ZNF44: variants seen among roughly 807,000 people sequenced by gnomAD.
ZNF44 encodes zinc finger protein 44.
A neutral mutation model predicts 11.7 loss-of-function variants in ZNF44; 9 were observed. The ratio of observed to expected loss-of-function variants is 0.77; its 90% confidence interval spans 0.46 to 1.35. ZNF44 has a LOEUF of 1.35. Among genes scored for constraint, ZNF44 ranks in the 40% most tolerant of loss-of-function variants. The probability of loss-of-function intolerance (pLI) is 0.00; values close to 1 mark genes in which losing one functional copy is unlikely to be tolerated. For synonymous variants in ZNF44, 224 were observed against 242.7 expected (o/e 0.92, Z 0.72); for missense variants, 696 against 743.1 (o/e 0.94, Z 0.74).
chr19:12,228,795 T>G (rs1916029544), intron 3 of ZNF44, among the ~76,000 whole-genome samples: 1 of 152,204 alleles, frequency 6.6e-6, no homozygotes, highest in Admixed American at 6.5e-5. Context: ...AGTTAGGATA[T>G]TAAATGGCTT....
chr19:12,281,427 G>A (rs1268774903), intron 1 of ZNF44, among the ~76,000 whole-genome samples: 1 of 152,128 alleles, frequency 6.6e-6, no homozygotes, highest in Admixed American at 6.5e-5. Flanking sequence ...ATGGAGTAAA[G>A]GCAGTGCTTT....
At chr19:12,239,568 ATTTTTTTTTT>A (rs1158604076), upstream of ZNF44, among the ~76,000 whole-genome samples, 2 of 76,052 alleles carry the variant, frequency 2.6e-5, no homozygotes, top group East Asian at 3.7e-4. Context: ...CCCAAGTTGC[ATTTTTTTTTT>A]TTTTTTTTTT....
chr19:12,248,240 T>C (rs764969004), exon 8 of ZNF44: 24 of 1,300,976 alleles, frequency 1.8e-5, no homozygotes, highest in South Asian at 1.7e-4. Flanking sequence ...TTTGAGCAGA[T>C]TGGTGGTATC....
intron 1 of ZNF44, 150 bp from the exon 2 acceptor site, chr19:12,276,232 AC>A (rs1272052847): frequency 8.2e-7 from 1 of 1,226,958 alleles, no homozygotes; most frequent in Non-Finnish European, 1.1e-6. Context: ...GTCTGCACTC[AC>A]TGTCTGATGC....
At chr19:12,250,072 T>C (rs1335876562) in intron 6 of ZNF44, 1 of 1,260,656 alleles carries the variant, frequency 7.9e-7, no homozygotes, top group Non-Finnish European at 1.0e-6. Flanking sequence ...TTATCATAAA[T>C]TATTAGAAAT....
chr19:12,239,298 T>C (rs186990318), upstream of ZNF44, among the ~76,000 whole-genome samples: 175 of 151,858 alleles, frequency 1.2e-3, no homozygotes, highest in African/African-American at 4.1e-3. Context: ...ATTTTTAGTA[T>C]AGACGGGGTT....
chr19:12,262,827 A>G (rs947187287), intron 5 of ZNF44, among the ~76,000 whole-genome samples: 8 of 152,234 alleles, frequency 5.3e-5, no homozygotes, highest in African/African-American at 1.9e-4. Flanking sequence ...TATAAATTAC[A>G]AAATGCTAAG....
chr19:12,240,169 C>A (rs546329888), upstream of ZNF44, among the ~76,000 whole-genome samples: 1 of 152,186 alleles, frequency 6.6e-6, no homozygotes, highest in East Asian at 1.9e-4. Flanking sequence ...TTAGGCCGGG[C>A]ACAATGGCTC....
intron 5 of ZNF44, among the ~76,000 whole-genome samples, chr19:12,257,749 C>T (rs905858056): frequency 4.8e-5 from 7 of 145,848 alleles, no homozygotes; most frequent in Admixed American, 1.4e-4. Context: ...TGCAGTGAGC[C>T]GAGATCGCGC....
At chr19:12,288,500 T>C (rs2438519) in intron 1 of ZNF44, among the ~76,000 whole-genome samples, 31,016 of 151,538 alleles carry the variant, frequency 0.2, 4,112 homozygotes, top group African/African-American at 0.38. Flanking sequence ...TCCCAGCACT[T>C]TGGGAGGCTG....
intron 5 of ZNF44, chr19:12,250,466 C>A: frequency 9.5e-7 from 1 of 1,047,450 alleles, no homozygotes; most frequent in East Asian, 5.3e-5. Flanking sequence ...ATTCTGTGAT[C>A]TCCAGAGATT....
At chr19:12,257,997 A>C (rs1917334166) in intron 5 of ZNF44, among the ~76,000 whole-genome samples, 1 of 151,170 alleles carries the variant, frequency 6.6e-6, no homozygotes, top group South Asian at 2.1e-4. Flanking sequence ...AACAAACAAA[A>C]AAAACAGGCC....
downstream of ZNF44, among the ~76,000 whole-genome samples, chr19:12,245,228 C>A (rs1295208782): frequency 6.6e-6 from 1 of 151,912 alleles, no homozygotes; most frequent in African/African-American, 2.4e-5. Context: ...AATAACCTGA[C>A]AAAATTACAA....
At chr19:12,290,676 G>C (rs1324893145) in intron 1 of ZNF44, among the ~76,000 whole-genome samples, 1 of 149,818 alleles carries the variant, frequency 6.7e-6, no homozygotes, top group African/African-American at 2.4e-5. Flanking sequence ...CTCCAGCCTG[G>C]GCAACAGAGT....
chr19:12,265,196 A>G (rs1314257920), intron 5 of ZNF44, among the ~76,000 whole-genome samples: 1 of 152,036 alleles, frequency 6.6e-6, no homozygotes, highest in African/African-American at 2.4e-5. Context: ...ACTTGAGCTC[A>G]GGAGTTCGAG....
intron 1 of ZNF44, chr19:12,293,121 C>T (rs1968088643): frequency 1.5e-6 from 2 of 1,322,508 alleles, no homozygotes; most frequent in South Asian, 1.5e-5. Flanking sequence ...CCGCCCGCCT[C>T]GGCTTCCCAA....
intron 5 of ZNF44, among the ~76,000 whole-genome samples, chr19:12,251,233 A>T (rs1164809626): frequency 6.6e-6 from 1 of 151,902 alleles, no homozygotes; most frequent in African/African-American, 2.4e-5. Context: ...TAGGAGGCTG[A>T]GGCAGGAGAA....
At chr19:12,286,031 A>G (rs1023339183) in intron 1 of ZNF44, among the ~76,000 whole-genome samples, 2 of 151,972 alleles carry the variant, frequency 1.3e-5, no homozygotes, top group South Asian at 2.1e-4. Context: ...AAAAAACTCA[A>G]AAAAAAGTCA....
intron 3 of ZNF44, among the ~76,000 whole-genome samples, chr19:12,227,171 G>A (rs888153538): frequency 1.3e-5 from 2 of 152,186 alleles, no homozygotes; most frequent in Non-Finnish European, 2.9e-5. Context: ...AGTTCTGAAC[G>A]TTTTTCCTCT....
Sources: gnomAD v4.1 joint callset for allele counts (sites outside exome capture counted in the v4.1 genomes callset) on GRCh38, gnomAD v4.1.1 for gene constraint, MANE v1.5 for transcripts, NCBI Gene and HGNC (gene_info 2026-07-23, HGNC 2026-07-21) for gene names.